SOX6: variants seen among roughly 807,000 people sequenced by gnomAD.
The protein encoded by SOX6 is transcription factor SOX-6.
A neutral mutation model predicts 97.8 loss-of-function variants in SOX6; 11 were observed. The ratio of observed to expected loss-of-function variants is 0.11; its 90% CI spans 0.07 to 0.19. The LOEUF is 0.19. Among genes scored for constraint, SOX6 ranks in the 10% least tolerant of loss-of-function variants. The pLI is 1.00. For synonymous variants in SOX6, 360 were observed against 371.4 expected, an observed-to-expected ratio of 0.97 and a Z score of 0.35; for missense variants, 810 against 1,039.5, an observed-to-expected ratio of 0.78 and a Z score of 3.04.
chr11:16,453,076 C>T lies in SOX6; in HGVS notation c.-5+23239G>A, dbSNP rs140542561. 5.9e-3 allele frequency among the ~76,000 whole-genome samples: 905 copies of T among 152,268 alleles called. 6 individuals carry two copies. Among genetic ancestry groups the T allele is most frequent in the African/African-American group, 0.021 (855 of 41,558 alleles). Reference sequence around the variant, plus strand: ...GGACAGGTGATGACATCCTATAAAACGCAATTTTTATTCCCATACTCCTGA... The same window carrying T: ...GGACAGGTGATGACATCCTATAAAATGCAATTTTTATTCCCATACTCCTGA... On this transcript the variant is annotated intron_variant, in intron 1 of 15. Transcript: ENST00000396356.
At chr11:16,411,679 G>C (rs1175700070) in intron 1 of SOX6, among the ~76,000 whole-genome samples, 1 of 152,026 alleles carries the variant, frequency 6.6e-6, no homozygotes, top group Non-Finnish European at 1.5e-5. Context: ...TCCTAAAAGA[G>C]CAAGAAATAT....
intron 4 of SOX6, among the ~76,000 whole-genome samples, chr11:16,578,884 T>C (rs1276492830): frequency 1.3e-5 from 2 of 152,164 alleles, no homozygotes; most frequent in African/African-American, 4.8e-5. Flanking sequence ...AAGGGAAAGT[T>C]TGAAGACTAA....
In SOX6 at chr11:15,969,144, C is replaced by G. The variant is rs892357281; in HGVS notation, c.*3665G>C. Reference sequence around the variant, plus strand: ...CCAATTCTAAGTGACAAGGAGAACCCTGACCCTGTAAGTTCTTTAACAAAA... The same window carrying G: ...CCAATTCTAAGTGACAAGGAGAACCGTGACCCTGTAAGTTCTTTAACAAAA... On this transcript the variant is annotated 3_prime_UTR_variant, in exon 16 of 16. Coordinates refer to ENST00000683767, the MANE Select transcript of SOX6 (RefSeq NM_001367873.1). 1 of 149,728 alleles carries G rather than the reference C, an allele frequency of 6.7e-6. No individual in the cohort carries two copies. Among genetic ancestry groups the G allele is most frequent in the African/African-American group, 2.5e-5 (1 of 40,568 alleles). The allele number at this position is 149,728 out of a possible 1,614,324, so 9.3% of individuals were successfully genotyped here. A position where few individuals can be genotyped will look rare whatever the true frequency, so the allele number is the denominator to read the frequency against.
chr11:16,195,407 A>G (rs1237705894), intron 4 of SOX6, among the ~76,000 whole-genome samples: 2 of 152,212 alleles, frequency 1.3e-5, no homozygotes, highest in Non-Finnish European at 2.9e-5. Flanking sequence ...AGTTAGGAGC[A>G]ATGTTCTGAG....
chr11:16,488,668 C>T (rs1363477178), intron 4 of SOX6, among the ~76,000 whole-genome samples: 1 of 152,144 alleles, frequency 6.6e-6, no homozygotes, highest in East Asian at 1.9e-4. Flanking sequence ...CCACTAGGAG[C>T]TTAGTTGCAC....
intron 6 of SOX6, among the ~76,000 whole-genome samples, chr11:16,161,394 A>G (rs983088496): frequency 3.3e-5 from 5 of 151,434 alleles, no homozygotes; most frequent in African/African-American, 1.2e-4. Context: ...TCTTGTATAT[A>G]TATATATATA....
At chr11:16,105,765 A>T (rs568798255) in intron 7 of SOX6, among the ~76,000 whole-genome samples, 1 of 152,236 alleles carries the variant, frequency 6.6e-6, no homozygotes, top group Non-Finnish European at 1.5e-5. Context: ...GAGAGGTAAA[A>T]CTATTTGTAT....
chr11:16,513,569 G>C (rs1860914515), intron 4 of SOX6, among the ~76,000 whole-genome samples: 2 of 152,178 alleles, frequency 1.3e-5, no homozygotes, highest in South Asian at 2.1e-4. Context: ...GGAGGCGGAG[G>C]TTGCAGTGAG....
intron 6 of SOX6, among the ~76,000 whole-genome samples, chr11:16,119,414 A>G (rs1314715871): frequency 6.6e-6 from 1 of 152,230 alleles, no homozygotes; most frequent in Non-Finnish European, 1.5e-5. Flanking sequence ...AGTGTAATGC[A>G]GTAGTCAACA....
At chr11:16,341,700 T>C (rs759456947) in intron 1 of SOX6, among the ~76,000 whole-genome samples, 1 of 152,090 alleles carries the variant, frequency 6.6e-6, no homozygotes, top group Non-Finnish European at 1.5e-5. Context: ...CTATGGTTTA[T>C]GTAGGAGCAA....
intron 2 of SOX6, among the ~76,000 whole-genome samples, chr11:16,324,690 TTCA>T (rs1490046245): frequency 6.6e-6 from 1 of 152,156 alleles, no homozygotes. Flanking sequence ...ATCCATCACC[TTCA>T]TCAACAGATA....
intron 4 of SOX6, among the ~76,000 whole-genome samples, chr11:16,520,299 T>C (rs150449265): frequency 1.3e-5 from 2 of 152,344 alleles, no homozygotes; most frequent in East Asian, 3.9e-4. Context: ...ATGTGTTTCC[T>C]AAGTTTTCTT....
chr11:16,547,294 C>G (rs1847632499), intron 4 of SOX6, among the ~76,000 whole-genome samples: 7 of 152,032 alleles, frequency 4.6e-5, no homozygotes, highest in Admixed American at 4.6e-4. Flanking sequence ...ATCAGCATGT[C>G]AAAGGGATAT....
chr11:16,720,564 G>C (rs1373716835), intron 2 of SOX6, among the ~76,000 whole-genome samples: 1 of 110,758 alleles, frequency 9.0e-6, no homozygotes, highest in Non-Finnish European at 1.8e-5. Context: ...GAGGGGGGAG[G>C]GATAGCATTA....
intron 4 of SOX6, among the ~76,000 whole-genome samples, chr11:16,569,399 C>T (rs576285067): frequency 2.1e-4 from 32 of 152,060 alleles, no homozygotes; most frequent in Non-Finnish European, 4.1e-4. Context: ...GTTTAATGTC[C>T]ATCTAATTAT....
intron 9 of SOX6, among the ~76,000 whole-genome samples, chr11:16,079,213 T>C (rs910277322): frequency 6.6e-6 from 1 of 152,136 alleles, no homozygotes; most frequent in Non-Finnish European, 1.5e-5. Context: ...CCCTTCGATT[T>C]CCATCCATAA....
chr11:16,690,900 A>G (rs1013358847), intron 3 of SOX6, among the ~76,000 whole-genome samples: 4 of 152,212 alleles, frequency 2.6e-5, no homozygotes, highest in Non-Finnish European at 4.4e-5. Flanking sequence ...TTAAAAATCC[A>G]TAAGTGATTC....
At chr11:16,205,244 A>AGTT (rs1852042214) in intron 4 of SOX6, among the ~76,000 whole-genome samples, 1 of 152,106 alleles carries the variant, frequency 6.6e-6, no homozygotes, top group African/African-American at 2.4e-5. Context: ...GATTAACCAT[A>AGTT]GTTTAAATGA....
At chr11:16,625,257 T>C (rs1348207904) in intron 3 of SOX6, among the ~76,000 whole-genome samples, 1 of 152,202 alleles carries the variant, frequency 6.6e-6, no homozygotes, top group Non-Finnish European at 1.5e-5. Flanking sequence ...CATCTAGAGA[T>C]TTTATAGTTT....
Sources: allele counts gnomAD v4.1 joint callset (sites outside exome capture counted in the v4.1 genomes callset), GRCh38; gene constraint gnomAD v4.1.1; transcripts MANE v1.5; gene names NCBI Gene and HGNC (gene_info 2026-07-23, HGNC 2026-07-21).